Variants in GLG1 observed in about 807,000 individuals in gnomAD.
GLG1 encodes golgi glycoprotein 1.
Under a neutral mutation model 160.5 loss-of-function variants are expected in GLG1, and 38 were observed. The observed-to-expected ratio is 0.24, with a 90% CI of 0.18 to 0.31. The LOEUF is 0.31. Among genes scored for constraint, GLG1 ranks in the 10% least tolerant of loss-of-function variants. GLG1 has a pLI of 1.00. For missense variants in GLG1, 1,373 were observed against 1,505.2 expected, an observed-to-expected ratio of 0.91 and a Z score of 1.45; for synonymous variants, 644 against 543.4, an observed-to-expected ratio of 1.19 and a Z score of -2.57.
Position 74,449,205 on chromosome 16 carries a change from G to A in GLG1, c.*3962C>T, listed in dbSNP as rs896088808. 1 of 152,230 alleles carries A rather than the reference G, an allele frequency of 6.6e-6. No individual in the cohort carries two copies. Among genetic ancestry groups the A allele is most frequent in the African/African-American group, 2.4e-5 (1 of 41,458 alleles). 9.4% of individuals were successfully genotyped at this position (152,230 alleles called of 1,614,324 possible). On this transcript the variant is annotated 3_prime_UTR_variant, in exon 26 of 26. Transcript: ENST00000422840. ...TCCTGGTCCAGCTTCCTTCTTCTTA[G>A]ATTAAGTTCTGACTTAGAGTGTGTT...
intron 1 of GLG1, among the ~76,000 whole-genome samples, chr16:74,594,332 G>A (rs1958252449): frequency 6.6e-6 from 1 of 152,146 alleles, no homozygotes. Flanking sequence ...AAGAATTATA[G>A]GTGTTATTCA....
At chr16:74,453,563 G>A (rs900971176) in intron 25 of GLG1, among the ~76,000 whole-genome samples, 12 of 152,326 alleles carry the variant, frequency 7.9e-5, no homozygotes, top group Admixed American at 7.8e-4. Flanking sequence ...ACAAAGTGGT[G>A]CAGTCACCCA....
intron 19 of GLG1, among the ~76,000 whole-genome samples, chr16:74,463,726 G>GGTT (rs1555507087): frequency 1.1e-5 from 1 of 93,974 alleles, no homozygotes; most frequent in East Asian, 4.3e-4. Context: ...TCATTTTTGT[G>GGTT]TTTTTTTTGT....
At chr16:74,562,076 G>C (rs2018528698) in intron 1 of GLG1, among the ~76,000 whole-genome samples, 6 of 152,236 alleles carry the variant, frequency 3.9e-5, no homozygotes, top group Non-Finnish European at 1.5e-5. Context: ...ATGCAAGAAG[G>C]CTGATGCTAT....
intron 2 of GLG1, among the ~76,000 whole-genome samples, chr16:74,529,275 C>T (rs1402117118): frequency 6.6e-6 from 1 of 152,118 alleles, no homozygotes; most frequent in African/African-American, 2.4e-5. Context: ...GGCCATGAAT[C>T]TGTTTTTATG....
intron 8 of GLG1, 86 bp from the exon 9 acceptor site, chr16:74,486,003 TCCTATTTACCACAATGTACTC>T (rs1417809158): frequency 9.8e-7 from 1 of 1,021,194 alleles, no homozygotes; most frequent in African/African-American, 1.6e-5. Context: ...AGTTGCTCAG[TCCTATTTACCACAATGTACTC>T]CAATAAAGTT....
chr16:74,522,309 T>C (rs1312763021), intron 2 of GLG1, among the ~76,000 whole-genome samples: 1 of 152,240 alleles, frequency 6.6e-6, no homozygotes, highest in Non-Finnish European at 1.5e-5. Flanking sequence ...GGCTGTATCA[T>C]TTGCTATGCT....
rs1018208316 is a variant in GLG1 at position 74,463,053 on chromosome 16, C to T, written c.2791+303G>A. The T allele has an allele frequency of 6.6e-6, 3 of 456,874 alleles. No individual in the cohort carries two copies. The East Asian group carries it at 1.2e-4, about 18-fold the overall frequency. 28.3% of individuals were successfully genotyped at this position (456,874 alleles called of 1,614,324 possible). A position where few individuals can be genotyped will look rare whatever the true frequency, so the allele number is the denominator to read the frequency against. On this transcript the variant is annotated intron_variant, in intron 20 of 25. Transcript: ENST00000422840. Reference sequence around the variant, plus strand: ...TTCCGAATCAGATTACCCGTACATTCTCCTGGCACACTCATGAAGTTTTAT... The same window carrying T: ...TTCCGAATCAGATTACCCGTACATTTTCCTGGCACACTCATGAAGTTTTAT...
intron 12 of GLG1, among the ~76,000 whole-genome samples, chr16:74,476,146 C>A (rs1567467505): frequency 6.6e-6 from 1 of 151,740 alleles, no homozygotes; most frequent in Non-Finnish European, 1.5e-5. Context: ...CGTGCCACTG[C>A]ACTCCAGCAT....
At chr16:74,522,859 AT>A (rs1225779995) in intron 2 of GLG1, among the ~76,000 whole-genome samples, 1 of 151,952 alleles carries the variant, frequency 6.6e-6, no homozygotes, top group East Asian at 1.9e-4. Context: ...AATTTTTCAT[AT>A]TTTTTGTAGA....
intron 2 of GLG1, among the ~76,000 whole-genome samples, chr16:74,509,578 G>C (rs924411449): frequency 6.6e-6 from 1 of 151,866 alleles, no homozygotes; most frequent in Non-Finnish European, 1.5e-5. Context: ...TGCCAGGCGC[G>C]GTGGCTGACG....
At chr16:74,595,985 T>C (rs1458037528) in intron 1 of GLG1, among the ~76,000 whole-genome samples, 1 of 151,682 alleles carries the variant, frequency 6.6e-6, no homozygotes, top group Non-Finnish European at 1.5e-5. Flanking sequence ...TTGCCAGCCA[T>C]GGTGCCACAT....
chr16:74,512,160 C>CCTTTT (rs774655299), intron 2 of GLG1, among the ~76,000 whole-genome samples: 2 of 135,852 alleles, frequency 1.5e-5, no homozygotes, highest in Admixed American at 7.8e-5. Context: ...TCTTTTATTT[C>CCTTTT]TTTTTTTTTT....
At chr16:74,529,918 T>C (rs548600299) in intron 2 of GLG1, among the ~76,000 whole-genome samples, 25 of 150,034 alleles carry the variant, frequency 1.7e-4, no homozygotes, top group Non-Finnish European at 3.1e-4. Flanking sequence ...TTCAAGCGAT[T>C]TTCCTGTTTC....
chr16:74,490,449 T>C (rs568356447), intron 8 of GLG1, among the ~76,000 whole-genome samples: 8 of 152,246 alleles, frequency 5.3e-5, no homozygotes, highest in Non-Finnish European at 8.8e-5. Context: ...CTTCCATGCA[T>C]AGTTGCCCTA....
intron 20 of GLG1, 23 bp downstream of exon 20, chr16:74,463,333 G>A (rs768627681): frequency 6.2e-7 from 1 of 1,613,202 alleles, no homozygotes; most frequent in Non-Finnish European, 8.5e-7. Flanking sequence ...CACGGGGCCA[G>A]GAGAGCCAAG....
chr16:74,481,243 T>C (rs927371162), intron 10 of GLG1, among the ~76,000 whole-genome samples: 8 of 152,348 alleles, frequency 5.3e-5, no homozygotes, highest in African/African-American at 1.9e-4. Context: ...TTTTGGTTAC[T>C]TGAGTGTGCT....
intron 6 of GLG1, among the ~76,000 whole-genome samples, chr16:74,493,434 T>C (rs181521758): frequency 4.0e-4 from 61 of 152,350 alleles, no homozygotes; most frequent in Non-Finnish European, 8.2e-4. Flanking sequence ...ATATGTTAAC[T>C]TGACACACAG....
intron 6 of GLG1, 26 bp downstream of exon 6, chr16:74,494,734 T>G: frequency 9.8e-7 from 1 of 1,022,478 alleles, no homozygotes; most frequent in Non-Finnish European, 1.6e-6. Flanking sequence ...AAATAAAACA[T>G]TCATTAGTTT....
Sources: allele counts gnomAD v4.1 joint callset (sites outside exome capture counted in the v4.1 genomes callset), GRCh38; gene constraint gnomAD v4.1.1; transcripts MANE v1.5; gene names NCBI Gene and HGNC (gene_info 2026-07-23, HGNC 2026-07-21).